DYSF: variants seen among roughly 807,000 people sequenced by gnomAD.
DYSF encodes the protein dystrophy-associated fer-1-like 1.
Under a neutral mutation model 274.9 loss-of-function variants are expected in DYSF, and 212 were observed. The ratio of observed to expected loss-of-function variants is 0.77; its 90% CI spans 0.69 to 0.86. DYSF has a LOEUF of 0.86. DYSF is among the 40% of genes least tolerant of loss of function. The pLI is 0.00. For missense variants in DYSF, 2,666 were observed against 2,783.2 expected, an observed-to-expected ratio of 0.96 and a Z score of 0.95; for synonymous variants, 1,091 against 1,078.7, an observed-to-expected ratio of 1.01 and a Z score of -0.22.
At chr2:71,664,582 A>C in intron 46 of DYSF, 144 bp downstream of exon 46, 1 of 949,108 alleles carries the variant, frequency 1.1e-6, no homozygotes, top group Non-Finnish European at 1.6e-6. Flanking sequence ...GTCCAATGGG[A>C]GTCCTATCCC....
intron 30 of DYSF, among the ~76,000 whole-genome samples, chr2:71,588,283 G>C (rs2093140871): frequency 6.6e-6 from 1 of 152,184 alleles, no homozygotes; most frequent in South Asian, 2.1e-4. Flanking sequence ...AGGCCGAGGA[G>C]CTGCATAGTG....
chr2:71,522,871 C>T lies in DYSF; in HGVS notation c.1149+1967C>T, dbSNP rs558324800. Among the ~76,000 whole-genome samples, 4 of 152,254 alleles carry T rather than the reference C, an allele frequency of 2.6e-5. No individual in the cohort carries two copies. The East Asian group carries it at 7.8e-4, about 30-fold the overall frequency. ...AGAGTTTCATTCTTTACCCCTCAATCCCCATGCAAGCAGTTGGCCAGTCTT... is the reference window on the plus strand; with the variant it reads ...AGAGTTTCATTCTTTACCCCTCAATTCCCATGCAAGCAGTTGGCCAGTCTT... On this transcript the variant is annotated intron_variant, in intron 12 of 55. Transcript: ENST00000410020.
At chr2:71,498,082 C>G (rs1195842074) in intron 3 of DYSF, among the ~76,000 whole-genome samples, 1 of 151,988 alleles carries the variant, frequency 6.6e-6, no homozygotes, top group East Asian at 1.9e-4. Context: ...CTTCAGACCC[C>G]CAGTAAAAAC....
rs753754805 is a variant in DYSF, at chr2:71,679,102, C to T, written c.5930C>T (p.Thr1977Ile). 1.9e-6 allele frequency: 3 copies of T among 1,613,942 alleles called. No individual in the cohort carries two copies. The highest frequency in any genetic ancestry group is 2.5e-6 in the Non-Finnish European group (3 of 1,179,956). Reference protein sequence around the residue: ...DLNRMPKPAKTAKKCSLDQLD... With the variant: ...DLNRMPKPAKIAKKCSLDQLD... ...AACCGCATGCCCAAGCCAGCCAAGA[C>T]AGCCAAGAAGTGCTCCTTGGACCAG... is the stretch of plus-strand genomic sequence containing the variant. The change falls in exon 53 of 56, where the codon ACA (threonine) becomes ATA (isoleucine). Residue 1977 changes from threonine (T) to isoleucine (I), a missense_variant. Thr to Ile is a moderately conservative substitution (Grantham distance 89, BLOSUM62 -1). Transcript: ENST00000410020.
intron 40 of DYSF, among the ~76,000 whole-genome samples, chr2:71,618,169 TG>T (rs2093960152): frequency 2.6e-4 from 26 of 101,308 alleles, no homozygotes; most frequent in East Asian, 9.2e-4. Context: ...TGTGTGTGTG[TG>T]GTAGAGGTGG....
chr2:71,562,732 G>A (rs1443099576), intron 23 of DYSF, among the ~76,000 whole-genome samples: 1 of 152,188 alleles, frequency 6.6e-6, no homozygotes, highest in African/African-American at 2.4e-5. Context: ...TGTGGAAGGG[G>A]AGAGGGAGGC....
At position 71,592,117 on chromosome 2, in the gene DYSF, C is replaced by T. The variant is rs115081437; in HGVS notation, c.3574+1829C>T. ...GGAAGGGCGTGAGAGGTGAGGGTGC[C>T]GGGAGCGGGTTTGTGAGAGGGGGAT... On this transcript the variant is annotated intron_variant, in intron 32 of 55. Coordinates refer to ENST00000410020, the MANE Select transcript of DYSF (RefSeq NM_001130987.2). Among the ~76,000 whole-genome samples, 1,424 of 152,204 alleles carry T rather than the reference C, an allele frequency of 9.4e-3. 26 individuals are homozygous for T. Among genetic ancestry groups the T allele is most frequent in the African/African-American group, 0.033 (1,351 of 41,514 alleles).
At position 71,480,893 on chromosome 2, in the gene DYSF, G is replaced by GAGAA; in HGVS notation, c.103_106dup (p.Thr36LysfsTer15). ...TTGTGTCTCTTGTAGGGGTGAAGAA[G>GAGAA]AGAACCAAAGTCATCAAGAACAGCG... On this transcript the variant is annotated frameshift_variant, in exon 2 of 56. Transcript: ENST00000410020. LOFTEE classifies it high-confidence loss of function. The GAGAA allele has an allele frequency of 6.2e-7, 1 of 1,614,142 alleles. No homozygotes were observed. Among genetic ancestry groups the GAGAA allele is most frequent in the Non-Finnish European group, 8.5e-7 (1 of 1,179,976 alleles).
intron 1 of DYSF, among the ~76,000 whole-genome samples, chr2:71,474,250 A>G (rs186358389): frequency 7.0e-4 from 106 of 152,310 alleles, no homozygotes; most frequent in Non-Finnish European, 1.1e-3. Flanking sequence ...TAGGTACCTC[A>G]TATAAATGGA....
rs555703668 is a variant in DYSF at position 71,674,608 on chromosome 2, C to T, written c.5884+312C>T. Among the ~76,000 whole-genome samples, 6 of 152,360 alleles carry T rather than the reference C, an allele frequency of 3.9e-5. No homozygotes were observed. In the South Asian group the frequency reaches 1.2e-3, roughly 32 times the overall value. On this transcript the variant is annotated intron_variant, in intron 52 of 55. Transcript: ENST00000410020. ...GACGCAAGTGTGTGCTGCCTGTCGC[C>T]AGCTGTCTGGCCTCACATTTGACAC...
intron 22 of DYSF, among the ~76,000 whole-genome samples, chr2:71,560,464 C>T (rs1014616046): frequency 2.1e-5 from 2 of 95,518 alleles, no homozygotes; most frequent in Non-Finnish European, 2.4e-5. Flanking sequence ...CACCGAGGAG[C>T]GGCCTGGGGC....
intron 7 of DYSF, 69 bp downstream of exon 7, chr2:71,513,990 C>G (rs2086381292): frequency 6.4e-7 from 1 of 1,563,880 alleles, no homozygotes; most frequent in African/African-American, 1.4e-5. Flanking sequence ...AGGCACCTGC[C>G]TGGTTTGTCC....
Position 71,515,017 on chromosome 2 carries a change from G to A in DYSF, c.760-606G>A, listed in dbSNP as rs115393700. Among the ~76,000 whole-genome samples the A allele has an allele frequency of 9.2e-3, 1,389 of 151,082 alleles. 18 individuals are homozygous for A. The highest frequency in any genetic ancestry group is 0.032 in the African/African-American group (1,323 of 41,214). On this transcript the variant is annotated intron_variant, in intron 7 of 55. Transcript: ENST00000410020. ...AGTAAATAACAGTTGATTCTAAAGT[G>A]GAGCCAGTAAATATCTTATTTTTTT...
In DYSF at chr2:71,466,772, T is replaced by G. The variant is rs1219073953; in HGVS notation, c.-71T>G. On this transcript the variant is annotated 5_prime_UTR_variant, in exon 1 of 56. Coordinates refer to ENST00000410020, the MANE Select transcript of DYSF (RefSeq NM_001130987.2). ...GCCTGGGAGCCGGGCGCTTGCTGGG[T>G]GGGTGCTCGGGCCCGGTGCTCCCGC... 7.0e-7 allele frequency: 1 copy of G among 1,422,316 alleles called. No homozygotes were observed. Among genetic ancestry groups the G allele is most frequent in the African/African-American group, 1.5e-5 (1 of 67,704 alleles). 88.1% of individuals were successfully genotyped at this position (1,422,316 alleles called of 1,614,324 possible).
At chr2:71,527,126 A>G (rs1434026800) in intron 13 of DYSF, among the ~76,000 whole-genome samples, 1 of 152,104 alleles carries the variant, frequency 6.6e-6, no homozygotes, top group Non-Finnish European at 1.5e-5. Context: ...CCGGGGCCCC[A>G]CCTCCAGCGT....
chr2:71,466,275 GT>G (rs534066658), upstream of DYSF, among the ~76,000 whole-genome samples: 265 of 152,332 alleles, frequency 1.7e-3, no homozygotes, highest in Middle Eastern at 3.4e-3. Flanking sequence ...CTCAGACTTG[GT>G]TTCCCCGAAG....
intron 40 of DYSF, among the ~76,000 whole-genome samples, chr2:71,616,226 G>C (rs545813700): frequency 6.6e-6 from 1 of 152,090 alleles, no homozygotes; most frequent in Non-Finnish European, 1.5e-5. Flanking sequence ...GACTCAAAAC[G>C]TGTATAAGGC....
chr2:71,602,925 G>A, intron 36 of DYSF, 120 bp downstream of exon 36: 2 of 1,234,670 alleles, frequency 1.6e-6, no homozygotes, highest in Admixed American at 2.0e-5. Context: ...CTGTCACATG[G>A]AGACCTGTCT....
At chr2:71,470,673 C>CAA (rs776955310) in intron 1 of DYSF, among the ~76,000 whole-genome samples, 699 of 57,692 alleles carry the variant, frequency 0.012, 46 homozygotes, top group African/African-American at 0.055. Flanking sequence ...GACTCCATCT[C>CAA]AAAAAAAAAA....
Sources: gnomAD v4.1 joint callset for allele counts (sites outside exome capture counted in the v4.1 genomes callset) on GRCh38, gnomAD v4.1.1 for gene constraint, MANE v1.5 for transcripts, NCBI Gene and HGNC (gene_info 2026-07-23, HGNC 2026-07-21) for gene names.